The following AP2B1 variants were observed in gnomAD, a reference collection of about 807,000 sequenced individuals.
The protein encoded by AP2B1 is adaptor related protein complex 2 subunit beta 1, also known as AP-2 complex subunit beta.
AP2B1 carries 23 observed loss-of-function variants against 102.0 expected under a neutral mutation model. The ratio of observed to expected loss-of-function variants is 0.23; its 90% CI spans 0.16 to 0.32. The LOEUF is 0.32. Ranked by LOEUF, AP2B1 falls within the 10% of genes least tolerant of loss-of-function variation. The pLI is 1.00. For synonymous variants in AP2B1, 381 were observed against 421.2 expected (o/e 0.90, Z 1.17); for missense variants, 541 against 1,157.4 (o/e 0.47, Z 7.73).
chr17:35,620,220 C>G (rs919650845), intron 5 of AP2B1, among the ~76,000 whole-genome samples: 4 of 152,020 alleles, frequency 2.6e-5, no homozygotes, highest in African/African-American at 4.8e-5. Flanking sequence ...GTGGCTCACA[C>G]CTGTAATCTC....
At chr17:35,690,359 CG>C in intron 18 of AP2B1, among the ~76,000 whole-genome samples, 1 of 152,282 alleles carries the variant, frequency 6.6e-6, no homozygotes, top group Middle Eastern at 3.4e-3. Context: ...TCTCTGTCTA[CG>C]ATAGAAAGGC....
intron 21 of AP2B1, among the ~76,000 whole-genome samples, chr17:35,721,640 A>G (rs1404446308): frequency 6.6e-6 from 1 of 152,150 alleles, no homozygotes; most frequent in Admixed American, 6.5e-5. Context: ...ATGACTTCCC[A>G]CCAATGCCAG....
At chr17:35,696,734 G>A (rs993429109) in intron 18 of AP2B1, among the ~76,000 whole-genome samples, 3 of 151,982 alleles carry the variant, frequency 2.0e-5, no homozygotes, top group Non-Finnish European at 2.9e-5. Context: ...TTCACTCCCA[G>A]TACTACCAGT....
chr17:35,672,026 A>G (rs1226972797), intron 16 of AP2B1, 126 bp downstream of exon 16: 1 of 1,052,060 alleles, frequency 9.5e-7, no homozygotes, highest in Admixed American at 2.7e-5. Flanking sequence ...TGGAGGACTT[A>G]GAGGAAGATG....
intron 17 of AP2B1, among the ~76,000 whole-genome samples, chr17:35,680,532 C>G (rs976628251): frequency 2.0e-5 from 3 of 151,776 alleles, no homozygotes; most frequent in Non-Finnish European, 4.4e-5. Flanking sequence ...ACCACACTGG[C>G]CAATATTTGT....
intron 20 of AP2B1, among the ~76,000 whole-genome samples, chr17:35,710,686 A>G (rs1347179424): frequency 6.6e-6 from 1 of 152,172 alleles, no homozygotes; most frequent in Non-Finnish European, 1.5e-5. Flanking sequence ...TTTTATATCA[A>G]TTTTTGGTGT....
intron 2 of AP2B1, among the ~76,000 whole-genome samples, chr17:35,595,139 A>G (rs943751789): frequency 2.0e-5 from 3 of 152,164 alleles, no homozygotes; most frequent in Non-Finnish European, 2.9e-5. Context: ...AGTCTTGGCA[A>G]CACATCAGAA....
chr17:35,719,792 T>TC (rs1555591849), intron 21 of AP2B1, among the ~76,000 whole-genome samples: 1 of 152,152 alleles, frequency 6.6e-6, no homozygotes, highest in African/African-American at 2.4e-5. Flanking sequence ...GGACAGGAGT[T>TC]CAAGACCAGC....
At chr17:35,711,232 G>A (rs1303207125) in intron 20 of AP2B1, among the ~76,000 whole-genome samples, 1 of 152,042 alleles carries the variant, frequency 6.6e-6, no homozygotes, top group Non-Finnish European at 1.5e-5. Context: ...TAGGCTTTGT[G>A]AGTTTGAATG....
rs1244933007 is a variant in AP2B1, at chr17:35,598,214, C to T, written c.38-16C>T. On this transcript the variant is annotated splice_polypyrimidine_tract_variant and intron_variant, in intron 2 of 21. Coordinates refer to ENST00000610402, the MANE Select transcript of AP2B1 (RefSeq NM_001030006.2). ...GTGGTACTGGAACCTTACCAGTTTG[C>T]TCTCATCTCTTGCAGGAGAAATATT... The T allele has an allele frequency of 6.4e-7, 1 of 1,569,566 alleles. No homozygotes were observed. The highest frequency in any genetic ancestry group is 1.4e-5 in the African/African-American group (1 of 73,958).
intron 6 of AP2B1, among the ~76,000 whole-genome samples, chr17:35,625,232 G>A (rs902054070): frequency 6.6e-6 from 1 of 152,192 alleles, no homozygotes; most frequent in Admixed American, 6.5e-5. Context: ...TGCAGGCACT[G>A]TACTAGGCAA....
chr17:35,670,093 A>C (rs930089189), intron 14 of AP2B1, among the ~76,000 whole-genome samples: 1 of 152,166 alleles, frequency 6.6e-6, no homozygotes, highest in Non-Finnish European at 1.5e-5. Flanking sequence ...GACCATGTGG[A>C]GTTATTTTCT....
At chr17:35,664,748 A>G (rs952519981) in intron 14 of AP2B1, among the ~76,000 whole-genome samples, 3 of 152,220 alleles carry the variant, frequency 2.0e-5, no homozygotes, top group Non-Finnish European at 2.9e-5. Flanking sequence ...TTGGAAGCTT[A>G]CATTCGCGTA....
At chr17:35,673,508 T>C (rs2075634784) in intron 16 of AP2B1, among the ~76,000 whole-genome samples, 1 of 152,114 alleles carries the variant, frequency 6.6e-6, no homozygotes, top group Non-Finnish European at 1.5e-5. Flanking sequence ...TATCTTTATT[T>C]TTTTAATAGT....
intron 18 of AP2B1, among the ~76,000 whole-genome samples, chr17:35,694,959 C>T (rs1598306450): frequency 6.6e-6 from 1 of 152,182 alleles, no homozygotes; most frequent in Non-Finnish European, 1.5e-5. Context: ...GCCTCTGCCC[C>T]CCTCTTCCCA....
intron 14 of AP2B1, among the ~76,000 whole-genome samples, chr17:35,663,063 T>C (rs2075392543): frequency 6.6e-6 from 1 of 152,226 alleles, no homozygotes. Context: ...TATTTATTAA[T>C]AGTTTTGAGA....
chr17:35,627,962 A>G (rs967926041), intron 9 of AP2B1, among the ~76,000 whole-genome samples: 1 of 152,226 alleles, frequency 6.6e-6, no homozygotes, highest in Non-Finnish European at 1.5e-5. Context: ...TGATTAAAAT[A>G]GGTCCTCCAT....
At chr17:35,624,766 A>G (rs1263909555) in intron 6 of AP2B1, among the ~76,000 whole-genome samples, 179 bp downstream of exon 6, 1 of 152,178 alleles carries the variant, frequency 6.6e-6, no homozygotes, top group African/African-American at 2.4e-5. Context: ...AAACTATGCA[A>G]AACTATTTCT....
chr17:35,711,692 TG>T (rs1202447072), intron 20 of AP2B1, among the ~76,000 whole-genome samples: 1 of 152,200 alleles, frequency 6.6e-6, no homozygotes, highest in African/African-American at 2.4e-5. Flanking sequence ...AGGATGTTCT[TG>T]ATCTCCTGAC....
Sources: allele counts gnomAD v4.1 joint callset (sites outside exome capture counted in the v4.1 genomes callset), GRCh38; gene constraint gnomAD v4.1.1; transcripts MANE v1.5; gene names NCBI Gene and HGNC (gene_info 2026-07-23, HGNC 2026-07-21).